BAZ2B: variants seen among roughly 807,000 people sequenced by gnomAD.
The protein encoded by BAZ2B is bromodomain adjacent to zinc finger domain protein 2B.
In BAZ2B, 91 loss-of-function variants were observed where a neutral mutation model predicts 246.0. That is an observed-to-expected ratio of 0.37 (90% CI 0.31 to 0.44). The LOEUF (loss-of-function observed/expected upper bound fraction) is 0.44. BAZ2B is among the 20% of genes least tolerant of loss of function. BAZ2B has a pLI of 1.00. For missense variants in BAZ2B, 2,332 were observed against 2,533.7 expected (o/e 0.92, Z 1.71); for synonymous variants, 855 against 860.0 (o/e 0.99, Z 0.10).
chr2:159,710,286 G>C, the BAZ2B span, among the ~76,000 whole-genome samples: 1 of 149,372 alleles, frequency 6.7e-6, no homozygotes, highest in African/African-American at 2.5e-5. Flanking sequence ...TTGGCTCACT[G>C]CAACTTCTGC....
chr2:159,688,339 T>A, the BAZ2B span, among the ~76,000 whole-genome samples: 1 of 152,216 alleles, frequency 6.6e-6, no homozygotes, highest in East Asian at 1.9e-4. Context: ...AGACATTTAT[T>A]TTTTAAAAAC....
intron 2 of BAZ2B, among the ~76,000 whole-genome samples, chr2:159,521,145 A>C (rs2084081885): frequency 6.6e-6 from 1 of 152,104 alleles, no homozygotes. Flanking sequence ...GAAAACATAC[A>C]CTGAAGTATC....
chr2:159,679,606 T>C, the BAZ2B span, among the ~76,000 whole-genome samples: 1 of 152,232 alleles, frequency 6.6e-6, no homozygotes. Flanking sequence ...GAATGTGATA[T>C]GAAAATGTAA....
At chr2:159,669,293 G>A in the BAZ2B span, among the ~76,000 whole-genome samples, 2 of 152,018 alleles carry the variant, frequency 1.3e-5, no homozygotes, top group Non-Finnish European at 2.9e-5. Flanking sequence ...ATTCTGTTGT[G>A]GTAAGAGAAC....
At chr2:159,669,064 A>AGAAAGAAAG in the BAZ2B span, among the ~76,000 whole-genome samples, 18 of 151,102 alleles carry the variant, frequency 1.2e-4, no homozygotes, top group African/African-American at 3.7e-4. Context: ...TCTCAAAAAA[A>AGAAAGAAAG]AAAGAAAGAA....
rs1200376342 is a variant in BAZ2B, at chr2:159,350,042, C to T, written c.4529G>A (p.Ser1510Asn). ...GCTTTGCGTTGCTGTTGACTGAACGCTGCCCAGTGAATGTTTTCCACTGTT... is the reference window on the plus strand; with the variant it reads ...GCTTTGCGTTGCTGTTGACTGAACGTTGCCCAGTGAATGTTTTCCACTGTT... ...YQNSGKHSLGSVQSTATQSNV... is the reference protein window; with the variant it reads ...YQNSGKHSLGNVQSTATQSNV... The change falls in exon 28 of 37, where the codon AGC becomes AAC. Residue 1510 changes from serine (S) to asparagine (N), a missense_variant. By Grantham distance (46) the Ser-to-Asn change is conservative. Transcript: ENST00000392783. The T allele has an allele frequency of 6.2e-7, 1 of 1,614,148 alleles. No homozygotes were observed. The highest frequency in any genetic ancestry group is 1.1e-5 in the South Asian group (1 of 91,084).
At chr2:159,647,961 T>C in the BAZ2B span, among the ~76,000 whole-genome samples, 1 of 152,138 alleles carries the variant, frequency 6.6e-6, no homozygotes, top group Non-Finnish European at 1.5e-5. Context: ...CCATGCAAAG[T>C]GAGAACTTAC....
At chr2:159,408,657 G>A (rs1017474339) in intron 14 of BAZ2B, among the ~76,000 whole-genome samples, 3 of 152,158 alleles carry the variant, frequency 2.0e-5, no homozygotes, top group South Asian at 2.1e-4. Flanking sequence ...AGCAGCTCAC[G>A]TCTGTAATCC....
At chr2:159,543,477 T>C (rs545440418) in intron 2 of BAZ2B, among the ~76,000 whole-genome samples, 120 of 152,184 alleles carry the variant, frequency 7.9e-4, no homozygotes, top group African/African-American at 2.6e-3. Flanking sequence ...TATGGACTTA[T>C]GCTTTTTATA....
intron 3 of BAZ2B, among the ~76,000 whole-genome samples, chr2:159,471,000 G>C (rs1288516813): frequency 1.3e-5 from 2 of 151,722 alleles, no homozygotes; most frequent in Non-Finnish European, 2.9e-5. Flanking sequence ...TGCAAGCCTT[G>C]ATTTATGAGT....
intron 2 of BAZ2B, among the ~76,000 whole-genome samples, chr2:159,510,415 C>T (rs2082799304): frequency 1.3e-5 from 2 of 152,098 alleles, no homozygotes; most frequent in African/African-American, 4.8e-5. Flanking sequence ...CCTTGAGACC[C>T]CGTCTCAGCC....
intron 1 of BAZ2B, among the ~76,000 whole-genome samples, chr2:159,583,373 C>G (rs1443725335): frequency 1.3e-5 from 2 of 152,146 alleles, no homozygotes; most frequent in African/African-American, 4.8e-5. Flanking sequence ...CCTCAGCCTC[C>G]CAAAGTGCTG....
rs1484166486 is a variant in BAZ2B at position 159,346,923 on chromosome 2, A to T, written c.5454+563T>A. Among the ~76,000 whole-genome samples the T allele has an allele frequency of 3.3e-5, 5 of 152,182 alleles. No individual in the cohort carries two copies. The East Asian group carries it at 9.6e-4, about 29-fold the overall frequency. On this transcript the variant is annotated intron_variant, in intron 31 of 36. Coordinates refer to ENST00000392783, the MANE Select transcript of BAZ2B (RefSeq NM_013450.4). Reference sequence around the variant, plus strand: ...GGAATGAATGAATAAATCAGTAAATAAAAACTTTATATATATATATGTAGG... The same window carrying T: ...GGAATGAATGAATAAATCAGTAAATTAAAACTTTATATATATATATGTAGG...
the BAZ2B span, among the ~76,000 whole-genome samples, chr2:159,626,369 A>G: frequency 1.8e-4 from 28 of 152,318 alleles, no homozygotes; most frequent in Non-Finnish European, 3.8e-4. Flanking sequence ...TCAACAGAAT[A>G]TACATTCTTC....
intron 6 of BAZ2B, among the ~76,000 whole-genome samples, chr2:159,442,540 T>C (rs571087789): frequency 6.6e-6 from 1 of 152,362 alleles, no homozygotes; most frequent in South Asian, 2.1e-4. Flanking sequence ...ATTTACTATC[T>C]TAACCATTTT....
chr2:159,373,179 T>C lies in BAZ2B; in HGVS notation c.4079A>G (p.Gln1360Arg). 2 of 1,608,364 alleles carry C rather than the reference T, an allele frequency of 1.2e-6. No homozygotes were observed. The highest frequency in any genetic ancestry group is 2.2e-5 in the East Asian group (1 of 44,772). The change falls in exon 27 of 37, where the codon CAG becomes CGG. Residue 1360 changes from glutamine (Q) to arginine (R), a missense_variant. Transcript: ENST00000392783. The stretch of plus-strand genomic sequence containing the variant: ...CGCATCAAAGAGCTTCCTTCTGTAC[T>C]GACTCTGTTGCTGTTAAAAAAATGG... ...QIEKLSKQQS[Q>R]YRRKLFDASH...
At chr2:159,403,068 T>C (rs568580265) in intron 16 of BAZ2B, among the ~76,000 whole-genome samples, 1 of 152,160 alleles carries the variant, frequency 6.6e-6, no homozygotes, top group African/African-American at 2.4e-5. Context: ...TTTCTGAAAT[T>C]TTCCAGAAAA....
At chr2:159,560,328 T>C (rs1220111736) in intron 1 of BAZ2B, among the ~76,000 whole-genome samples, 1 of 152,242 alleles carries the variant, frequency 6.6e-6, no homozygotes, top group African/African-American at 2.4e-5. Flanking sequence ...CATTCATTTA[T>C]ATATCAGTTT....
chr2:159,438,453 C>G lies in BAZ2B; in HGVS notation c.1143G>C (p.Val381=). ...CCAAAGATAAAGGTTTCACATTGGACACCAATCCCGTAGACTGTATTACAC... is the reference window on the plus strand; with the variant it reads ...CCAAAGATAAAGGTTTCACATTGGAGACCAATCCCGTAGACTGTATTACAC... ...HTSVIQSTGL[V]SNVKPLSLVN... Residue 381 remains valine (V), a synonymous_variant, in exon 8 of 37, where the codon GTG becomes GTC. Coordinates refer to ENST00000392783, the MANE Select transcript of BAZ2B (RefSeq NM_013450.4). The G allele has an allele frequency of 6.2e-7, 1 of 1,614,150 alleles. No individual in the cohort carries two copies. The highest frequency in any genetic ancestry group is 1.6e-4 in the Middle Eastern group (1 of 6,062).
Sources: gnomAD v4.1 joint callset for allele counts (sites outside exome capture counted in the v4.1 genomes callset) on GRCh38, gnomAD v4.1.1 for gene constraint, MANE v1.5 for transcripts, NCBI Gene and HGNC (gene_info 2026-07-23, HGNC 2026-07-21) for gene names.